XRCC4: variants seen among roughly 807,000 people sequenced by gnomAD.
XRCC4 encodes DNA repair protein XRCC4.
Under a neutral mutation model 39.1 loss-of-function variants are expected in XRCC4, and 28 were observed. That is an observed-to-expected ratio of 0.72 (90% CI 0.53 to 0.98). XRCC4 has a LOEUF of 0.98. Ranked by LOEUF, XRCC4 falls within the 50% of genes least tolerant of loss-of-function variation. The probability of loss-of-function intolerance (pLI) is 0.00; values close to 1 mark genes in which losing one functional copy is unlikely to be tolerated. For synonymous variants in XRCC4, 123 were observed against 126.4 expected (o/e 0.97, Z 0.18); for missense variants, 350 against 376.4 (o/e 0.93, Z 0.58).
At chr5:83,275,286 G>A (rs1329533774) in intron 7 of XRCC4, among the ~76,000 whole-genome samples, 2 of 151,638 alleles carry the variant, frequency 1.3e-5, no homozygotes, top group Admixed American at 6.6e-5. Flanking sequence ...TTCTGTTTTG[G>A]CTAGGTTAGG....
In XRCC4 at chr5:83,114,529, G is replaced by C. The variant is rs183011567; in HGVS notation, c.315+3326G>C. Among the ~76,000 whole-genome samples the C allele has an allele frequency of 2.6e-5, 4 of 152,314 alleles. No homozygotes were observed. The East Asian group carries it at 7.7e-4, about 29-fold the overall frequency. On this transcript the variant is annotated intron_variant, in intron 3 of 7. Transcript: ENST00000396027. ...CTTTGCATAGCAAGAGTGACCTTTAGTTCCCAACAAGTTCCTCATGTCCAT... is the reference window on the plus strand; with the variant it reads ...CTTTGCATAGCAAGAGTGACCTTTACTTCCCAACAAGTTCCTCATGTCCAT...
chr5:83,288,886 T>C (rs1754822702), intron 7 of XRCC4, among the ~76,000 whole-genome samples: 1 of 151,894 alleles, frequency 6.6e-6, no homozygotes, highest in Non-Finnish European at 1.5e-5. Context: ...TCTGTTTTCT[T>C]TTTCTTCTTC....
At chr5:83,271,780 T>C (rs1754152328) in intron 7 of XRCC4, among the ~76,000 whole-genome samples, 1 of 152,170 alleles carries the variant, frequency 6.6e-6, no homozygotes, top group African/African-American at 2.4e-5. Context: ...GTGCTGGGCA[T>C]TCTAGTCCAG....
intron 7 of XRCC4, among the ~76,000 whole-genome samples, chr5:83,262,988 C>G (rs1477019725): frequency 8.8e-6 from 1 of 113,274 alleles, no homozygotes; most frequent in Non-Finnish European, 1.8e-5. Flanking sequence ...TGCTATCCCT[C>G]CCCCCCTCCC....
intron 3 of XRCC4, among the ~76,000 whole-genome samples, chr5:83,172,892 A>T (rs1330884747): frequency 1.3e-5 from 2 of 152,098 alleles, no homozygotes; most frequent in Non-Finnish European, 2.9e-5. Context: ...CACAAATTCA[A>T]AACATTCTGG....
At chr5:83,138,134 C>T (rs970507759) in intron 3 of XRCC4, among the ~76,000 whole-genome samples, 2 of 151,994 alleles carry the variant, frequency 1.3e-5, no homozygotes, top group African/African-American at 2.4e-5. Flanking sequence ...TACATGATGC[C>T]ATTGGGGTGA....
intron 1 of XRCC4, among the ~76,000 whole-genome samples, chr5:83,086,721 C>A (rs1389047679): frequency 6.6e-6 from 1 of 152,028 alleles, no homozygotes; most frequent in Non-Finnish European, 1.5e-5. Flanking sequence ...AACAAACCTT[C>A]AGTTGTTCAG....
intron 6 of XRCC4, among the ~76,000 whole-genome samples, chr5:83,240,727 G>C (rs1580412402): frequency 6.6e-6 from 1 of 152,130 alleles, no homozygotes; most frequent in Non-Finnish European, 1.5e-5. Flanking sequence ...AATGGTGAAA[G>C]TGAGTGAGAT....
At chr5:83,178,994 C>T (rs891161231) in intron 3 of XRCC4, among the ~76,000 whole-genome samples, 9 of 152,148 alleles carry the variant, frequency 5.9e-5, no homozygotes, top group African/African-American at 1.9e-4. Flanking sequence ...CTTATTTAGC[C>T]TTCAAGTCTC....
intron 7 of XRCC4, among the ~76,000 whole-genome samples, chr5:83,293,606 A>G (rs1418473909): frequency 6.6e-6 from 1 of 151,980 alleles, no homozygotes; most frequent in Non-Finnish European, 1.5e-5. Flanking sequence ...TGCTAAGCAC[A>G]TCCTCTAATA....
At chr5:83,128,215 C>T (rs1378796223) in intron 3 of XRCC4, among the ~76,000 whole-genome samples, 1 of 152,084 alleles carries the variant, frequency 6.6e-6, no homozygotes. Flanking sequence ...TGAGTGAGAA[C>T]ATGTGGTGCT....
intron 1 of XRCC4, among the ~76,000 whole-genome samples, chr5:83,098,687 A>C (rs1745790065): frequency 1.3e-5 from 2 of 152,104 alleles, no homozygotes; most frequent in Admixed American, 6.6e-5. Flanking sequence ...AAAAAATCTT[A>C]ATTTACCCTT....
At chr5:83,204,077 C>G (rs1751323269) in intron 5 of XRCC4, among the ~76,000 whole-genome samples, 1 of 152,042 alleles carries the variant, frequency 6.6e-6, no homozygotes, top group Non-Finnish European at 1.5e-5. Context: ...ACTTTAGAAT[C>G]AAGTGGTTAA....
intron 3 of XRCC4, among the ~76,000 whole-genome samples, chr5:83,190,266 A>G (rs1249061983): frequency 6.6e-6 from 1 of 152,096 alleles, no homozygotes; most frequent in Admixed American, 6.5e-5. Flanking sequence ...TTCCTGTATT[A>G]CTAGAATTTT....
At chr5:83,148,816 TA>T (rs1253766711) in intron 3 of XRCC4, among the ~76,000 whole-genome samples, 1 of 151,820 alleles carries the variant, frequency 6.6e-6, no homozygotes, top group Non-Finnish European at 1.5e-5. Flanking sequence ...ATAATAATAA[TA>T]ATAATAAAGT....
chr5:83,141,856 A>T (rs1441843879), intron 3 of XRCC4, among the ~76,000 whole-genome samples: 1 of 140,104 alleles, frequency 7.1e-6, no homozygotes, highest in Non-Finnish European at 1.6e-5. Flanking sequence ...AAAAAAAAAA[A>T]TGCTGTTTCA....
chr5:83,116,177 G>A (rs1167811731), intron 3 of XRCC4, among the ~76,000 whole-genome samples: 1 of 152,168 alleles, frequency 6.6e-6, no homozygotes, highest in African/African-American at 2.4e-5. Context: ...TTGAGAAGGA[G>A]TTTGTAATCC....
intron 7 of XRCC4, among the ~76,000 whole-genome samples, chr5:83,277,051 T>C (rs1754359876): frequency 6.8e-6 from 1 of 147,480 alleles, no homozygotes; most frequent in East Asian, 1.9e-4. Context: ...AATCACACTT[T>C]ATATTGAACT....
chr5:83,192,331 C>T (rs560626965), intron 3 of XRCC4, among the ~76,000 whole-genome samples: 19 of 82,650 alleles, frequency 2.3e-4, no homozygotes, highest in Admixed American at 8.9e-4. Flanking sequence ...TTTTTTGAGA[C>T]GGAGTCTTGC....
Sources: gnomAD v4.1 joint callset for allele counts (sites outside exome capture counted in the v4.1 genomes callset) on GRCh38, gnomAD v4.1.1 for gene constraint, MANE v1.5 for transcripts, NCBI Gene and HGNC (gene_info 2026-07-23, HGNC 2026-07-21) for gene names.